Variants in RAD51B observed in about 807,000 individuals in gnomAD.
The protein encoded by RAD51B is DNA repair protein RAD51 homolog 2.
RAD51B carries 38 observed loss-of-function variants against 42.2 expected under a neutral mutation model. That is an observed-to-expected ratio of 0.90 (90% confidence interval 0.70 to 1.18). RAD51B has a LOEUF of 1.18. Ranked by LOEUF, RAD51B falls within the 50% of genes most tolerant of loss-of-function variation. The pLI is 0.00. For missense variants in RAD51B, 373 were observed against 400.7 expected (o/e 0.93, Z 0.59); for synonymous variants, 154 against 145.2 (o/e 1.06, Z -0.43).
intron 4 of RAD51B, among the ~76,000 whole-genome samples, chr14:67,838,273 A>G (rs1333477232): frequency 1.3e-5 from 2 of 152,150 alleles, no homozygotes; most frequent in Non-Finnish European, 2.9e-5. Context: ...TGACATACTG[A>G]TTTCATACTG....
At chr14:68,112,699 A>AG (rs2140591190) in intron 7 of RAD51B, among the ~76,000 whole-genome samples, 1 of 152,222 alleles carries the variant, frequency 6.6e-6, no homozygotes, top group South Asian at 2.1e-4. Flanking sequence ...TTGAATTCAG[A>AG]GGGAGAAGTG....
intron 10 of RAD51B, among the ~76,000 whole-genome samples, chr14:68,637,407 A>G (rs901546584): frequency 2.6e-5 from 4 of 152,208 alleles, no homozygotes; most frequent in Non-Finnish European, 5.9e-5. Context: ...CTGAATAAAT[A>G]GTATGAGGAG....
intron 10 of RAD51B, among the ~76,000 whole-genome samples, chr14:68,553,083 A>C (rs183044924): frequency 6.6e-6 from 1 of 152,164 alleles, no homozygotes; most frequent in South Asian, 2.1e-4. Flanking sequence ...TCTATCGCAC[A>C]TATTTGTGTT....
chr14:68,442,435 CTTTT>C (rs774360651), intron 9 of RAD51B, among the ~76,000 whole-genome samples: 1 of 68,406 alleles, frequency 1.5e-5, no homozygotes, highest in African/African-American at 5.9e-5. Context: ...AGGCATTGTG[CTTTT>C]TTTTTTTTTT....
chr14:68,655,130 AGT>A (rs3077341), intron 11 of RAD51B, among the ~76,000 whole-genome samples: 45,249 of 150,134 alleles, frequency 0.3, 7,736 homozygotes, highest in East Asian at 0.78. Context: ...GCAAATGGTG[AGT>A]GTGTGTGTGT....
chr14:68,294,655 A>C (rs559954900), intron 8 of RAD51B, among the ~76,000 whole-genome samples: 1 of 152,342 alleles, frequency 6.6e-6, no homozygotes, highest in South Asian at 2.1e-4. Flanking sequence ...AGCATATAAG[A>C]TCATGAGGTA....
At chr14:68,605,950 T>G (rs1249760634) in intron 10 of RAD51B, among the ~76,000 whole-genome samples, 1 of 152,126 alleles carries the variant, frequency 6.6e-6, no homozygotes, top group Admixed American at 6.5e-5. Context: ...TGCCACCGTT[T>G]CCCGCCAGGG....
At chr14:68,371,091 T>G (rs570883569) in intron 8 of RAD51B, among the ~76,000 whole-genome samples, 2 of 147,982 alleles carry the variant, frequency 1.4e-5, no homozygotes, top group Non-Finnish European at 1.5e-5. Context: ...AAAAGAATTA[T>G]CTGTGTATTT....
At chr14:68,406,099 A>T (rs1482616460) in intron 8 of RAD51B, among the ~76,000 whole-genome samples, 1 of 152,210 alleles carries the variant, frequency 6.6e-6, no homozygotes, top group Non-Finnish European at 1.5e-5. Context: ...TTAATTAGTC[A>T]TTTAGTCAGT....
chr14:67,932,630 G>A (rs2044782706), intron 7 of RAD51B, among the ~76,000 whole-genome samples: 1 of 152,142 alleles, frequency 6.6e-6, no homozygotes, highest in Non-Finnish European at 1.5e-5. Flanking sequence ...TATGGTGTGG[G>A]TAGTGGCAGC....
chr14:68,550,485 G>A (rs1314123827), intron 10 of RAD51B, among the ~76,000 whole-genome samples: 2 of 152,220 alleles, frequency 1.3e-5, no homozygotes, highest in East Asian at 3.8e-4. Flanking sequence ...CAGAGTCACA[G>A]CTTACAGAAT....
chr14:68,377,047 A>G (rs2083385270), intron 8 of RAD51B, among the ~76,000 whole-genome samples: 2 of 152,214 alleles, frequency 1.3e-5, no homozygotes, highest in African/African-American at 4.8e-5. Flanking sequence ...AGGGTTTACT[A>G]TATTATTGAG....
At chr14:68,459,085 A>G (rs1277015460) in intron 9 of RAD51B, among the ~76,000 whole-genome samples, 1 of 152,204 alleles carries the variant, frequency 6.6e-6, no homozygotes, top group Non-Finnish European at 1.5e-5. Flanking sequence ...AGCTCTCGCA[A>G]CACAATGGGG....
rs147645918 is a variant in RAD51B, at chr14:68,655,226, C to T, written c.*11+4370C>T. 4.5e-3 allele frequency among the ~76,000 whole-genome samples: 688 copies of T among 152,232 alleles called. 6 individuals carry two copies. The highest frequency in any genetic ancestry group is 0.015 in the African/African-American group (625 of 41,526). The stretch of plus-strand genomic sequence containing the variant: ...ATGGTGATCTCTCTCTCTCTCAATG[C>T]AGGAACAAGGGGCTGCATTGTTAGC... On this transcript the variant is annotated intron_variant, in intron 11 of 11. Transcript: ENST00000488612.
chr14:68,230,805 A>G (rs544768227), intron 7 of RAD51B, among the ~76,000 whole-genome samples: 28 of 152,314 alleles, frequency 1.8e-4, no homozygotes, highest in Middle Eastern at 3.4e-3. Context: ...TAAAATGTAA[A>G]TCAGTAACTA....
At chr14:67,877,668 A>G (rs1056466412) in intron 5 of RAD51B, among the ~76,000 whole-genome samples, 1 of 152,180 alleles carries the variant, frequency 6.6e-6, no homozygotes, top group Non-Finnish European at 1.5e-5. Context: ...AGAGAAATTT[A>G]TAATTTAAAA....
intron 8 of RAD51B, among the ~76,000 whole-genome samples, chr14:68,324,134 C>T (rs2082205822): frequency 6.6e-6 from 1 of 151,924 alleles, no homozygotes; most frequent in Non-Finnish European, 1.5e-5. Context: ...AAGTGCCTGG[C>T]ATATTAATAA....
intron 7 of RAD51B, among the ~76,000 whole-genome samples, chr14:68,257,375 A>T (rs1259568324): frequency 1.3e-5 from 2 of 152,188 alleles, no homozygotes; most frequent in Non-Finnish European, 2.9e-5. Flanking sequence ...TACCACAATT[A>T]AAAAAGCAAT....
At chr14:67,860,325 G>T (rs186096041) in intron 4 of RAD51B, among the ~76,000 whole-genome samples, 2 of 152,044 alleles carry the variant, frequency 1.3e-5, no homozygotes, top group Non-Finnish European at 2.9e-5. Context: ...ATTTCATTTT[G>T]TGCCATTAAA....
Sources: allele counts gnomAD v4.1 joint callset (sites outside exome capture counted in the v4.1 genomes callset), GRCh38; gene constraint gnomAD v4.1.1; transcripts MANE v1.5; gene names NCBI Gene and HGNC (gene_info 2026-07-23, HGNC 2026-07-21).